The following ADCY10 variants were observed in gnomAD, a reference collection of about 807,000 sequenced individuals.
ADCY10 encodes the protein adenylate cyclase type 10.
A neutral mutation model predicts 183.3 loss-of-function variants in ADCY10; 156 were observed. The observed-to-expected ratio is 0.85, with a 90% confidence interval of 0.75 to 0.97. The LOEUF is 0.97. Among genes scored for constraint, ADCY10 ranks in the 50% least tolerant of loss-of-function variants. ADCY10 has a pLI of 0.00. For synonymous variants in ADCY10, 645 were observed against 670.0 expected, an observed-to-expected ratio of 0.96 and a Z score of 0.58; for missense variants, 1,745 against 1,934.3, an observed-to-expected ratio of 0.90 and a Z score of 1.84.
chr1:167,854,233 C>A lies in ADCY10; in HGVS notation c.2308+120G>T, dbSNP rs1665715895. 3.2e-6 allele frequency: 4 copies of A among 1,267,544 alleles called. No individual in the cohort carries two copies. In the South Asian group the frequency reaches 3.6e-5, roughly 11 times the overall value. 78.5% of individuals were successfully genotyped at this position (1,267,544 alleles called of 1,614,324 possible). On this transcript the variant is annotated intron_variant, in intron 18 of 32. Transcript: ENST00000367851. The stretch of plus-strand genomic sequence containing the variant: ...TCGGATCCAATAATTCCTGGCTCCC[C>A]AGAACCTTCTGACTCTACAGGAAGC...
chr1:167,874,702 C>G (rs1667332297), intron 13 of ADCY10, among the ~76,000 whole-genome samples: 1 of 152,114 alleles, frequency 6.6e-6, no homozygotes, highest in Non-Finnish European at 1.5e-5. Context: ...GAACCAAAAA[C>G]TGGAAATAAC....
At chr1:167,833,193 A>C in intron 24 of ADCY10, 31 bp from the exon 25 acceptor site, 1 of 1,603,130 alleles carries the variant, frequency 6.2e-7, no homozygotes, top group South Asian at 1.1e-5. Flanking sequence ...AGAGAGGAAA[A>C]GAGGAAAACG....
At chr1:167,875,070 CTT>C (rs1472959807) in intron 13 of ADCY10, 59 bp downstream of exon 13, 2 of 1,324,530 alleles carry the variant, frequency 1.5e-6, no homozygotes, top group Non-Finnish European at 2.2e-6. Flanking sequence ...CATTGATGTA[CTT>C]TTCTGCATGT....
At chr1:167,878,932 C>T (rs1023120290) in intron 11 of ADCY10, among the ~76,000 whole-genome samples, 3 of 152,202 alleles carry the variant, frequency 2.0e-5, no homozygotes, top group African/African-American at 7.2e-5. Context: ...ATGGCCACAG[C>T]ACTGAAGGCT....
At position 167,905,003 on chromosome 1, in the gene ADCY10, A is replaced by C. The variant is rs780066946; in HGVS notation, c.138T>G (p.Val46=). ...CCCTTTTGCACTTGCCTGAAATATCAACAAACATCAGGACTCCGTCAAAAT... is the reference window on the plus strand; with the variant it reads ...CCCTTTTGCACTTGCCTGAAATATCCACAAACATCAGGACTCCGTCAAAAT... ...MDYFDGVLMF[V]DISGFTAMTE... is the part of the protein sequence containing the mutation. Residue 46 remains valine (V), a synonymous_variant, in exon 2 of 33, where the codon GTT becomes GTG. Transcript: ENST00000367851. 1.9e-6 allele frequency: 3 copies of C among 1,614,200 alleles called. No homozygotes were observed. The Admixed American group carries it at 5.0e-5, about 27-fold the overall frequency.
In ADCY10 at chr1:167,896,652, C is replaced by A; in HGVS notation, c.682G>T (p.Glu228Ter). ...LKPPPNFNFDEFFTKCTTFMH... is the reference protein window; with the variant it reads ...LKPPPNFNFD Reference sequence around the variant, plus strand: ...AAGGTCGTACACTTTGTGAAAAATTCATCAAAATTAAAATTGGGGGGTGGT... The same window carrying A: ...AAGGTCGTACACTTTGTGAAAAATTAATCAAAATTAAAATTGGGGGGTGGT... The change falls in exon 7 of 33, where the codon GAA (glutamate) becomes TAA (stop). Residue 228 changes from glutamate to a stop codon, truncating the protein, a stop_gained. Transcript: ENST00000367851. LOFTEE classifies it high-confidence loss of function. The A allele has an allele frequency of 6.2e-7, 1 of 1,613,536 alleles. No homozygotes were observed. The highest frequency in any genetic ancestry group is 8.5e-7 in the Non-Finnish European group (1 of 1,179,540).
chr1:167,883,374 T>G (rs1455626785), intron 9 of ADCY10, 63 bp downstream of exon 9: 37 of 1,559,908 alleles, frequency 2.4e-5, no homozygotes, highest in Non-Finnish European at 3.3e-5. Context: ...CTCACCAATG[T>G]GCTTGTCCAT....
At chr1:167,903,170 C>T (rs1182352837) in intron 3 of ADCY10, among the ~76,000 whole-genome samples, 2 of 152,026 alleles carry the variant, frequency 1.3e-5, no homozygotes, top group South Asian at 2.1e-4. Flanking sequence ...GCAGGAGAAT[C>T]GCTTGAACCT....
At position 167,823,127 on chromosome 1, in the gene ADCY10, T is replaced by C; in HGVS notation, c.4053-4A>G. 2 of 1,613,540 alleles carry C rather than the reference T, an allele frequency of 1.2e-6. No homozygotes were observed. The highest frequency in any genetic ancestry group is 1.7e-6 in the Non-Finnish European group (2 of 1,179,530). ...CACCTGGATCAATTGCGGGTATCTA[T>C]GGAAAAGAAAAGGTAGTGGCCATTA... On this transcript the variant is annotated splice_region_variant and splice_polypyrimidine_tract_variant and intron_variant, in intron 28 of 32. Coordinates refer to ENST00000367851, the MANE Select transcript of ADCY10 (RefSeq NM_018417.6).
At chr1:167,906,644 C>T (rs568344996) in intron 1 of ADCY10, among the ~76,000 whole-genome samples, 127 of 148,144 alleles carry the variant, frequency 8.6e-4, no homozygotes, top group Non-Finnish European at 1.5e-3. Flanking sequence ...AAAAAAATTG[C>T]TGGGTGTGGT....
In ADCY10 at chr1:167,853,772, G is replaced by A. The variant is rs147564126; in HGVS notation, c.2308+581C>T. On this transcript the variant is annotated intron_variant, in intron 18 of 32. Coordinates refer to ENST00000367851, the MANE Select transcript of ADCY10 (RefSeq NM_018417.6). ...GGCTTTTTGAAGATAACATCAAAGC[G>A]GCCCTTCAGTTCTGGGCCTTAAGAT... 2.4e-4 allele frequency among the ~76,000 whole-genome samples: 37 copies of A among 151,122 alleles called. No individual in the cohort carries two copies. In the East Asian group the frequency reaches 7.0e-3, roughly 28 times the overall value.
intron 14 of ADCY10, among the ~76,000 whole-genome samples, chr1:167,868,032 AT>A (rs1238287682): frequency 6.6e-6 from 1 of 152,228 alleles, no homozygotes; most frequent in Non-Finnish European, 1.5e-5. Context: ...CTGGGCGTCG[AT>A]AAAAAAGGAC....
In ADCY10 at chr1:167,845,872, G is replaced by GT. The variant is rs765994664; in HGVS notation, c.2717-20dup. On this transcript the variant is annotated intron_variant, in intron 20 of 32. Coordinates refer to ENST00000367851, the MANE Select transcript of ADCY10 (RefSeq NM_018417.6). ...CCGTGATCTGGAGAGAGCAAAAAGG[G>GT]TTTTTCAGCCAGGCAGTGGGCAACA... 4 of 1,614,052 alleles carry GT rather than the reference G, an allele frequency of 2.5e-6. No homozygotes were observed. Among genetic ancestry groups the GT allele is most frequent in the Non-Finnish European group, 3.4e-6 (4 of 1,180,022 alleles).
chr1:167,880,561 C>G lies in ADCY10; in HGVS notation c.1069G>C (p.Asp357His), dbSNP rs1338415546. 1 of 1,614,134 alleles carries G rather than the reference C, an allele frequency of 6.2e-7. No individual in the cohort carries two copies. The highest frequency in any genetic ancestry group is 2.2e-5 in the East Asian group (1 of 44,876). ...CATTCCAGAGCATGAGTGAGCTCGTCAGGTACCTTTTCCCCAGGGAAGCCA... is the reference window on the plus strand; with the variant it reads ...CATTCCAGAGCATGAGTGAGCTCGTGAGGTACCTTTTCCCCAGGGAAGCCA... ...VFGFPGEKVP[D>H]ELTHALECAM... Residue 357 changes from aspartate to histidine, a missense_variant, in exon 10 of 33, where the codon GAC (aspartate) becomes CAC (histidine). Asp to His is a moderately conservative substitution (Grantham distance 81). Transcript: ENST00000367851.
intron 18 of ADCY10, among the ~76,000 whole-genome samples, chr1:167,852,536 T>C (rs765704038): frequency 4.6e-5 from 7 of 152,192 alleles, no homozygotes; most frequent in Non-Finnish European, 7.3e-5. Flanking sequence ...TAGTATTTAC[T>C]CTGCAGTATT....
chr1:167,835,069 G>A (rs1664093605), intron 23 of ADCY10, among the ~76,000 whole-genome samples: 1 of 152,164 alleles, frequency 6.6e-6, no homozygotes, highest in Non-Finnish European at 1.5e-5. Context: ...AGGTAGGAGG[G>A]TTGATTAGGC....
chr1:167,823,116 G>A lies in ADCY10; in HGVS notation c.4060C>T (p.Gln1354Ter), dbSNP rs532854612. ...AGCCGCCCCAGCACCTGGATCAATT[G>A]CGGGTATCTATGGAAAAGAAAAGGT... The part of the protein sequence containing the change: ...RCLLLNSRYP[Q>*]LIQVLGRLWE... The change falls in exon 29 of 33, where the codon CAA becomes TAA. Residue 1354 changes from glutamine (Q) to a stop codon, truncating the protein, a stop_gained. Transcript: ENST00000367851. LOFTEE classifies it high-confidence loss of function. 1 of 1,613,936 alleles carries A rather than the reference G, an allele frequency of 6.2e-7. No homozygotes were observed. Among genetic ancestry groups the A allele is most frequent in the South Asian group, 1.1e-5 (1 of 91,074 alleles).
intron 8 of ADCY10, among the ~76,000 whole-genome samples, chr1:167,888,809 G>GAGCTTGCAGTGAGCCGA (rs139859528): frequency 0.058 from 8,628 of 148,040 alleles, 677 homozygotes; most frequent in African/African-American, 0.18. Context: ...CCGGGAGGCG[G>GAGCTTGCAGTGAGCCGA]AGCGTGCAGT....
In ADCY10 at chr1:167,912,691, C is replaced by G. The variant is rs779209257; in HGVS notation, c.-59+1285G>C. 2.8e-4 allele frequency among the ~76,000 whole-genome samples: 43 copies of G among 152,224 alleles called. 1 individual carries two copies. Among genetic ancestry groups the G allele is most frequent in the Non-Finnish European group, 5.3e-4 (36 of 68,044 alleles). ...CTTCCCTCTTTCCTCTTCCTTCTTG[C>G]CTATTAAACTCTCCGATCCTTAAAA... On this transcript the variant is annotated intron_variant, in intron 1 of 32. Transcript: ENST00000367851.
Sources: gnomAD v4.1 joint callset for allele counts (sites outside exome capture counted in the v4.1 genomes callset) on GRCh38, gnomAD v4.1.1 for gene constraint, MANE v1.5 for transcripts, NCBI Gene and HGNC (gene_info 2026-07-23, HGNC 2026-07-21) for gene names.